The following PCCA variants were observed in gnomAD, a reference collection of about 807,000 sequenced individuals.
The protein encoded by PCCA is propionyl-CoA carboxylase subunit alpha.
Under a neutral mutation model 101.3 loss-of-function variants are expected in PCCA, and 74 were observed. That is an observed-to-expected ratio of 0.73 (90% CI 0.61 to 0.89). The LOEUF (loss-of-function observed/expected upper bound fraction) is 0.89, where lower values mean the gene tolerates loss of function less well. Ranked by LOEUF, PCCA falls within the 40% of genes least tolerant of loss-of-function variation. PCCA has a pLI of 0.00. For synonymous variants in PCCA, 294 were observed against 313.6 expected (o/e 0.94, Z 0.66); for missense variants, 891 against 907.0 (o/e 0.98, Z 0.23).
intron 6 of PCCA, among the ~76,000 whole-genome samples, chr13:100,183,693 A>T (rs1014241368): frequency 6.6e-6 from 1 of 152,130 alleles, no homozygotes; most frequent in African/African-American, 2.4e-5. Context: ...TAGTGTCGGG[A>T]TGGCAGAAAA....
chr13:100,399,490 G>A (rs2077215080), intron 19 of PCCA, among the ~76,000 whole-genome samples: 1 of 152,166 alleles, frequency 6.6e-6, no homozygotes, highest in Admixed American at 6.5e-5. Flanking sequence ...ACTTGTAAAT[G>A]TTAATTCAGG....
chr13:100,194,089 C>A (rs535325290), intron 6 of PCCA, among the ~76,000 whole-genome samples: 24 of 151,588 alleles, frequency 1.6e-4, no homozygotes, highest in Admixed American at 2.6e-4. Flanking sequence ...AAAAAGAAAT[C>A]ATGATCTCTG....
Position 100,387,164 on chromosome 13 carries a change from C to G in PCCA, c.1746+18590C>G, listed in dbSNP as rs867416274. Among the ~76,000 whole-genome samples the G allele has an allele frequency of 7.9e-5, 12 of 152,258 alleles. No individual in the cohort carries two copies. The South Asian group carries it at 8.3e-4, about 11-fold the overall frequency. On this transcript the variant is annotated intron_variant, in intron 19 of 23. Coordinates refer to ENST00000376285, the MANE Select transcript of PCCA (RefSeq NM_000282.4). ...AGCACTTCCAACTCGGAGACAGTTG[C>G]TGGAGATCACTTAATAGGCTCTGGT...
chr13:100,350,619 T>A (rs533043718), intron 18 of PCCA, among the ~76,000 whole-genome samples: 1 of 152,346 alleles, frequency 6.6e-6, no homozygotes, highest in East Asian at 1.9e-4. Context: ...ATTTACATAT[T>A]TTTGCTTACT....
intron 2 of PCCA, among the ~76,000 whole-genome samples, chr13:100,107,096 G>A (rs555211900): frequency 6.6e-5 from 10 of 152,222 alleles, no homozygotes; most frequent in African/African-American, 2.4e-4. Flanking sequence ...TTGGTCTTTG[G>A]TGTAATACAT....
chr13:100,469,634 G>A (rs1220985056), intron 21 of PCCA, among the ~76,000 whole-genome samples: 8 of 151,836 alleles, frequency 5.3e-5, no homozygotes, highest in Non-Finnish European at 1.2e-4. Context: ...GTATTAGCTG[G>A]GCGTGGTGGC....
intron 7 of PCCA, among the ~76,000 whole-genome samples, chr13:100,229,762 G>A (rs980422380): frequency 1.3e-5 from 2 of 152,212 alleles, no homozygotes; most frequent in Non-Finnish European, 2.9e-5. Flanking sequence ...TTTGTTCAAT[G>A]TACTCTCGTG....
chr13:100,099,215 TA>T (rs2047047035), intron 1 of PCCA, among the ~76,000 whole-genome samples: 2 of 152,062 alleles, frequency 1.3e-5, no homozygotes, highest in Non-Finnish European at 2.9e-5. Context: ...TTGGCAGAAA[TA>T]GTGTTCAGAT....
intron 6 of PCCA, among the ~76,000 whole-genome samples, chr13:100,158,336 T>G (rs2054087091): frequency 6.6e-6 from 1 of 152,254 alleles, no homozygotes; most frequent in African/African-American, 2.4e-5. Context: ...TGGAAATTAT[T>G]TGTGAATGTT....
chr13:100,440,328 A>G (rs1203433482), intron 20 of PCCA, among the ~76,000 whole-genome samples: 1 of 150,894 alleles, frequency 6.6e-6, no homozygotes, highest in Non-Finnish European at 1.5e-5. Flanking sequence ...TCTGTAGTAT[A>G]TATACAAATG....
intron 6 of PCCA, among the ~76,000 whole-genome samples, chr13:100,184,104 C>T (rs1046429335): frequency 1.3e-5 from 2 of 152,098 alleles, no homozygotes; most frequent in African/African-American, 2.4e-5. Flanking sequence ...AGGAAACTTA[C>T]AGTCATGGTG....
chr13:100,126,089 G>A (rs1446117554), intron 4 of PCCA, among the ~76,000 whole-genome samples: 1 of 152,174 alleles, frequency 6.6e-6, no homozygotes, highest in Non-Finnish European at 1.5e-5. Context: ...TGGCTCCCAT[G>A]CTGATTCATT....
chr13:100,195,416 GTTAT>G (rs2058046776), intron 6 of PCCA, among the ~76,000 whole-genome samples: 1 of 152,154 alleles, frequency 6.6e-6, no homozygotes, highest in African/African-American at 2.4e-5. Context: ...GAAATTTAGT[GTTAT>G]TTAAACTGAT....
intron 6 of PCCA, among the ~76,000 whole-genome samples, chr13:100,174,837 A>C (rs1184490576): frequency 2.6e-5 from 4 of 151,988 alleles, no homozygotes; most frequent in South Asian, 2.1e-4. Flanking sequence ...ACTCTTCTTT[A>C]TGAGTATTCT....
intron 18 of PCCA, among the ~76,000 whole-genome samples, chr13:100,358,934 A>G (rs898626876): frequency 1.3e-5 from 2 of 152,148 alleles, no homozygotes; most frequent in East Asian, 1.9e-4. Context: ...TGTCTCTACT[A>G]AAAATACAAA....
chr13:100,132,248 A>T (rs1028297644), intron 4 of PCCA, among the ~76,000 whole-genome samples: 1 of 152,216 alleles, frequency 6.6e-6, no homozygotes, highest in Non-Finnish European at 1.5e-5. Context: ...CACTACTAGC[A>T]CAATCAGAAT....
At position 100,348,779 on chromosome 13, in the gene PCCA, TCTTTCTTTCTTC is replaced by T. The variant is rs1367144165; in HGVS notation, c.1643+8524_1643+8535del. On this transcript the variant is annotated intron_variant, in intron 18 of 23. Coordinates refer to ENST00000376285, the MANE Select transcript of PCCA (RefSeq NM_000282.4). ...TTCTTTCTTTCTTTCTTTCTTTCTT[TCTTTCTTTCTTC>T]CTTCCTTCCTTCCTTCCTTCCTTCC... 8.6e-3 allele frequency among the ~76,000 whole-genome samples: 654 copies of T among 76,090 alleles called. 2 individuals are homozygous for T. The highest frequency in any genetic ancestry group is 0.014 in the Non-Finnish European group (511 of 35,602). 49.9% of individuals were successfully genotyped at this position (76,090 alleles called of 152,430 possible). A position where few individuals can be genotyped will look rare whatever the true frequency, so the allele number is the denominator to read the frequency against.
intron 4 of PCCA, among the ~76,000 whole-genome samples, chr13:100,135,584 A>G (rs2152332344): frequency 6.6e-6 from 1 of 152,262 alleles, no homozygotes; most frequent in South Asian, 2.1e-4. Flanking sequence ...TTGTCTATGT[A>G]GATAATCATG....
intron 6 of PCCA, among the ~76,000 whole-genome samples, chr13:100,187,823 G>T (rs911951547): frequency 2.8e-4 from 43 of 152,162 alleles, no homozygotes; most frequent in African/African-American, 1.0e-3. Context: ...CTTTAGTGGC[G>T]ATTTCTGAGA....
Sources: allele counts gnomAD v4.1 joint callset (sites outside exome capture counted in the v4.1 genomes callset), GRCh38; gene constraint gnomAD v4.1.1; transcripts MANE v1.5; gene names NCBI Gene and HGNC (gene_info 2026-07-23, HGNC 2026-07-21).